Variants in SLC9B2 observed in about 807,000 individuals in gnomAD.
SLC9B2 encodes the protein solute carrier family 9 member B2.
In SLC9B2, 39 loss-of-function variants were observed where a neutral mutation model predicts 52.2. That is an observed-to-expected ratio of 0.75 (90% CI 0.58 to 0.98). The LOEUF is 0.98. SLC9B2 is among the 50% of genes least tolerant of loss of function. The probability of loss-of-function intolerance (pLI) is 0.00; values close to 1 mark genes in which losing one functional copy is unlikely to be tolerated. For missense variants in SLC9B2, 626 were observed against 637.5 expected (o/e 0.98, Z 0.19); for synonymous variants, 214 against 227.0 (o/e 0.94, Z 0.51).
At chr4:103,062,604 C>A (rs1011972752) in intron 3 of SLC9B2, among the ~76,000 whole-genome samples, 1 of 152,074 alleles carries the variant, frequency 6.6e-6, no homozygotes, top group Non-Finnish European at 1.5e-5. Flanking sequence ...CACAAATTTT[C>A]ACATGTAAGA....
chr4:103,020,687 T>G (rs1005021016), downstream of SLC9B2, among the ~76,000 whole-genome samples: 1 of 152,180 alleles, frequency 6.6e-6, no homozygotes, highest in Non-Finnish European at 1.5e-5. Context: ...TTACCCCGGC[T>G]GGAGTGCAGT....
downstream of SLC9B2, among the ~76,000 whole-genome samples, chr4:103,018,409 A>C (rs1380768741): frequency 6.6e-6 from 1 of 152,234 alleles, no homozygotes; most frequent in African/African-American, 2.4e-5. Context: ...AGTTAAAAAA[A>C]ATTCTGGTAC....
At chr4:103,072,054 A>ATTTTTTTTTT (rs1375668319) in intron 1 of SLC9B2, among the ~76,000 whole-genome samples, 52 of 62,400 alleles carry the variant, frequency 8.3e-4, no homozygotes, top group South Asian at 2.8e-3. Flanking sequence ...TTTGGCTTTC[A>ATTTTTTTTTT]TGTTTTTTTT....
rs1176449178 is a variant in SLC9B2 at position 103,028,777 on chromosome 4, A to C, written c.1362T>G (p.Ser454=). 6.2e-7 allele frequency: 1 copy of C among 1,608,744 alleles called. No individual in the cohort carries two copies. Among genetic ancestry groups the C allele is most frequent in the Non-Finnish European group, 8.5e-7 (1 of 1,178,342 alleles). The change falls in exon 11 of 12, where the codon TCT becomes TCG. Residue 454 remains serine, a synonymous_variant. Coordinates refer to ENST00000394785, the MANE Select transcript of SLC9B2 (RefSeq NM_178833.7). ...CTGTGGCCTTTGGAAGCCATGCAAA[A>C]GAAATAAATATCTTTTCTTTTAAGT... ...GFNLKEKIFI[S]FAWLPKATVQ...
rs1473624966 is a variant in SLC9B2, at chr4:103,022,268, G to T, written c.*4102C>A. 6.6e-6 allele frequency among the ~76,000 whole-genome samples: 1 copy of T among 152,170 alleles called. No homozygotes were observed. Among genetic ancestry groups the T allele is most frequent in the Non-Finnish European group, 1.5e-5 (1 of 68,020 alleles). On this transcript the variant is annotated 3_prime_UTR_variant, in exon 12 of 12. Coordinates refer to ENST00000394785, the MANE Select transcript of SLC9B2 (RefSeq NM_178833.7). ...ACAAGCTCCATGAAGGCAGGGATTT[G>T]TCTGTTTTATTCATTGCAAAATGAA...
At position 103,050,336 on chromosome 4, in the gene SLC9B2, G is replaced by C. The variant is rs146842381; in HGVS notation, c.489C>G (p.Asn163Lys). 6.2e-7 allele frequency: 1 copy of C among 1,608,710 alleles called. No individual in the cohort carries two copies. Among genetic ancestry groups the C allele is most frequent in the South Asian group, 1.1e-5 (1 of 90,158 alleles). The part of the protein sequence containing the change: ...GFLIRNIPVI[N>K]DNVQIKHKWS... ...ACTTGTGCTTGATCTGCACATTATCGTTGATGACTGGGATATTTCTGATGA... is the reference window on the plus strand; with the variant it reads ...ACTTGTGCTTGATCTGCACATTATCCTTGATGACTGGGATATTTCTGATGA... The change falls in exon 5 of 12, where the codon AAC (asparagine) becomes AAG (lysine). Residue 163 changes from asparagine to lysine, a missense_variant. Asn to Lys is a moderately conservative substitution (Grantham distance 94). Coordinates refer to ENST00000394785, the MANE Select transcript of SLC9B2 (RefSeq NM_178833.7).
chr4:103,061,135 T>C (rs1309956271), intron 3 of SLC9B2, among the ~76,000 whole-genome samples: 1 of 152,190 alleles, frequency 6.6e-6, no homozygotes, highest in African/African-American at 2.4e-5. Flanking sequence ...AGAAATACCA[T>C]TTGACCCAGC....
chr4:103,033,847 G>C lies in SLC9B2; in HGVS notation c.1147-2039C>G, dbSNP rs187619106. On this transcript the variant is annotated intron_variant, in intron 9 of 11. Coordinates refer to ENST00000394785, the MANE Select transcript of SLC9B2 (RefSeq NM_178833.7). ...GAAAAACATACCATGCTCATGGATA[G>C]GAAGAATCAATATTGTTAAAATGGC... Among the ~76,000 whole-genome samples the C allele has an allele frequency of 4.6e-5, 7 of 152,218 alleles. No individual in the cohort carries two copies. In the East Asian group the frequency reaches 1.4e-3, roughly 29 times the overall value.
chr4:103,026,482 G>A lies in SLC9B2; in HGVS notation c.1502C>T (p.Thr501Ile). 1.9e-6 allele frequency: 3 copies of A among 1,613,928 alleles called. No individual in the cohort carries two copies. The highest frequency in any genetic ancestry group is 1.7e-6 in the Non-Finnish European group (2 of 1,179,902). ...LTVAFLSILI[T>I]APIGSLLIGL... ...AATAAGCAGACTTCCAATTGGGGCT[G>A]TGATGAGGATGGACAAAAATGCCAC... Residue 501 changes from threonine to isoleucine, a missense_variant, in exon 12 of 12, where the codon ACA becomes ATA. Thr to Ile is a moderately conservative substitution (Grantham distance 89). Transcript: ENST00000394785.
At chr4:103,060,814 T>C (rs1031599360) in intron 3 of SLC9B2, among the ~76,000 whole-genome samples, 3 of 152,270 alleles carry the variant, frequency 2.0e-5, no homozygotes, top group East Asian at 1.9e-4. Flanking sequence ...TTTTTGAAAA[T>C]AGATACATTT....
intron 9 of SLC9B2, among the ~76,000 whole-genome samples, chr4:103,039,225 A>T (rs1159769138): frequency 6.6e-6 from 1 of 152,234 alleles, no homozygotes; most frequent in Admixed American, 6.5e-5. Flanking sequence ...TTAGTATGAT[A>T]TCATGCTGTT....
intron 9 of SLC9B2, among the ~76,000 whole-genome samples, chr4:103,037,780 C>T (rs1014483396): frequency 1.2e-4 from 19 of 152,124 alleles, no homozygotes; most frequent in African/African-American, 4.1e-4. Context: ...GCCAAAACTA[C>T]GATCCAGTTA....
chr4:103,049,242 C>A (rs1744448396), intron 5 of SLC9B2, among the ~76,000 whole-genome samples: 1 of 152,122 alleles, frequency 6.6e-6, no homozygotes, highest in Middle Eastern at 3.2e-3. Context: ...TTATTATCCC[C>A]ATATTTTTAG....
At chr4:103,039,816 T>G (rs540132726) in intron 9 of SLC9B2, among the ~76,000 whole-genome samples, 2 of 151,960 alleles carry the variant, frequency 1.3e-5, no homozygotes, top group South Asian at 4.2e-4. Context: ...CCGGCTAATT[T>G]TTTGTATTTT....
intron 5 of SLC9B2, 55 bp from the exon 6 acceptor site, chr4:103,049,075 A>G (rs1256508549): frequency 6.3e-7 from 1 of 1,583,804 alleles, no homozygotes; most frequent in Non-Finnish European, 8.6e-7. Context: ...TGCAGAGAAG[A>G]TGACCTTGAA....
In SLC9B2 at chr4:103,023,271, C is replaced by T. The variant is rs1018243831; in HGVS notation, c.*3099G>A. Among the ~76,000 whole-genome samples the T allele has an allele frequency of 6.6e-6, 1 of 152,080 alleles. No homozygotes were observed. Among genetic ancestry groups the T allele is most frequent in the Non-Finnish European group, 1.5e-5 (1 of 68,022 alleles). Reference sequence around the variant, plus strand: ...AAGGATAATTAAGACAAGGTTCCTACCCATAGGGAGCTGATTTAATAAGAG... The same window carrying T: ...AAGGATAATTAAGACAAGGTTCCTATCCATAGGGAGCTGATTTAATAAGAG... On this transcript the variant is annotated 3_prime_UTR_variant, in exon 12 of 12. Coordinates refer to ENST00000394785, the MANE Select transcript of SLC9B2 (RefSeq NM_178833.7).
At position 103,041,528 on chromosome 4, in the gene SLC9B2, C is replaced by T. The variant is rs1578450539; in HGVS notation, c.1146+1768G>A. ...TTTCTGTGCTCTTATCCAGTGCCCACTTGCAGGAGGTATCAGTCTCTCCTT... is the reference window on the plus strand; with the variant it reads ...TTTCTGTGCTCTTATCCAGTGCCCATTTGCAGGAGGTATCAGTCTCTCCTT... On this transcript the variant is annotated intron_variant, in intron 9 of 11. Transcript: ENST00000394785. 2.0e-5 allele frequency among the ~76,000 whole-genome samples: 3 copies of T among 152,292 alleles called. No homozygotes were observed. In the South Asian group the frequency reaches 6.2e-4, roughly 32 times the overall value.
In SLC9B2 at chr4:103,048,187, G is replaced by A. The variant is rs888389829; in HGVS notation, c.713+706C>T. Among the ~76,000 whole-genome samples the A allele has an allele frequency of 2.0e-5, 3 of 152,154 alleles. No homozygotes were observed. The East Asian group carries it at 5.8e-4, about 29-fold the overall frequency. On this transcript the variant is annotated intron_variant, in intron 6 of 11. Coordinates refer to ENST00000394785, the MANE Select transcript of SLC9B2 (RefSeq NM_178833.7). ...GAAAGCATTTTACAGTATTTACTAT[G>A]TACCAGACACCATTTTGAGCACTTT...
chr4:103,068,480 G>T (rs1250064956), intron 1 of SLC9B2, among the ~76,000 whole-genome samples: 1 of 152,150 alleles, frequency 6.6e-6, no homozygotes, highest in African/African-American at 2.4e-5. Flanking sequence ...TTCCTAGAAT[G>T]TAGATACAGT....
Sources: allele counts gnomAD v4.1 joint callset (sites outside exome capture counted in the v4.1 genomes callset), GRCh38; gene constraint gnomAD v4.1.1; transcripts MANE v1.5; gene names NCBI Gene and HGNC (gene_info 2026-07-23, HGNC 2026-07-21).